Variants in CAPZB observed in about 807,000 individuals in gnomAD.
The protein encoded by CAPZB is F-actin-capping protein subunit beta.
In CAPZB, 2 loss-of-function variants were observed where a neutral mutation model predicts 38.1. The ratio of observed to expected loss-of-function variants is 0.05; its 90% CI spans 0.02 to 0.17. The LOEUF (loss-of-function observed/expected upper bound fraction) is 0.17, where lower values mean the gene tolerates loss of function less well. Among genes scored for constraint, CAPZB ranks in the 10% least tolerant of loss-of-function variants. The probability of loss-of-function intolerance (pLI) is 1.00; values close to 1 mark genes in which losing one functional copy is unlikely to be tolerated. For missense variants in CAPZB, 161 were observed against 334.2 expected (o/e 0.48, Z 4.04); for synonymous variants, 107 against 127.4 (o/e 0.84, Z 1.08).
At chr1:19,366,661 C>A (rs552040913) in intron 4 of CAPZB, among the ~76,000 whole-genome samples, 11 of 151,808 alleles carry the variant, frequency 7.2e-5, no homozygotes, top group Non-Finnish European at 1.5e-4. Flanking sequence ...GCACTCCAGC[C>A]TGAGCAAAAA....
intron 1 of CAPZB, among the ~76,000 whole-genome samples, chr1:19,433,003 C>A (rs779308010): frequency 6.6e-6 from 1 of 152,130 alleles, no homozygotes; most frequent in South Asian, 2.1e-4. Context: ...GTGGATTTGT[C>A]GAAAACAAGA....
chr1:19,461,132 G>A (rs989126638), intron 1 of CAPZB, among the ~76,000 whole-genome samples: 1 of 152,102 alleles, frequency 6.6e-6, no homozygotes, highest in Non-Finnish European at 1.5e-5. Flanking sequence ...ACAGCACGTG[G>A]CTCATGGGCT....
At chr1:19,364,551 A>G (rs935444868) in intron 4 of CAPZB, among the ~76,000 whole-genome samples, 1 of 152,240 alleles carries the variant, frequency 6.6e-6, no homozygotes, top group Non-Finnish European at 1.5e-5. Flanking sequence ...AAACTGGCTT[A>G]CACCAAGATT....
At chr1:19,455,066 T>C (rs1050487715) in intron 1 of CAPZB, among the ~76,000 whole-genome samples, 3 of 152,240 alleles carry the variant, frequency 2.0e-5, no homozygotes, top group Non-Finnish European at 4.4e-5. Context: ...CCCGGAGGGC[T>C]TGGAACCCTG....
intron 1 of CAPZB, among the ~76,000 whole-genome samples, chr1:19,429,170 T>C (rs992774144): frequency 5.3e-5 from 8 of 152,194 alleles, no homozygotes; most frequent in African/African-American, 1.9e-4. Context: ...GCTTTTTACA[T>C]TTATCTGCTT....
intron 1 of CAPZB, among the ~76,000 whole-genome samples, chr1:19,446,710 G>A (rs533211946): frequency 9.9e-5 from 15 of 152,212 alleles, no homozygotes; most frequent in Admixed American, 6.5e-4. Flanking sequence ...TGTTAAAAAC[G>A]TGGGAAAATG....
At chr1:19,388,771 CT>C (rs1459359000) in intron 2 of CAPZB, among the ~76,000 whole-genome samples, 1 of 152,228 alleles carries the variant, frequency 6.6e-6, no homozygotes, top group African/African-American at 2.4e-5. Flanking sequence ...AAGCCCAAGA[CT>C]GTTCATTTGT....
intron 3 of CAPZB, among the ~76,000 whole-genome samples, chr1:19,382,752 A>G (rs1455654230): frequency 6.6e-6 from 1 of 152,172 alleles, no homozygotes; most frequent in Non-Finnish European, 1.5e-5. Flanking sequence ...TCCTTCCACC[A>G]GCTCCTGCAG....
intron 1 of CAPZB, among the ~76,000 whole-genome samples, chr1:19,451,771 C>G (rs1239690635): frequency 6.6e-6 from 1 of 151,992 alleles, no homozygotes; most frequent in Non-Finnish European, 1.5e-5. Context: ...GCCTCCACCT[C>G]TCTGATGACT....
At chr1:19,391,464 A>C (rs1232484375) in intron 2 of CAPZB, among the ~76,000 whole-genome samples, 4 of 144,952 alleles carry the variant, frequency 2.8e-5, no homozygotes, top group African/African-American at 7.3e-5. Context: ...ACTTGGGTGC[A>C]CTCAGAGGAA....
Position 19,482,661 on chromosome 1 carries a change from C to CA in CAPZB, c.3+2774dup, listed in dbSNP as rs556010510. Among the ~76,000 whole-genome samples the CA allele has an allele frequency of 5.1e-3, 780 of 152,276 alleles. 4 individuals are homozygous for CA. Among genetic ancestry groups the CA allele is most frequent in the Non-Finnish European group, 8.6e-3 (582 of 68,026 alleles). On this transcript the variant is annotated intron_variant, in intron 1 of 8. Transcript: ENST00000264202. ...ACTGGGAAGGAGAAACTCATGCCAACAAAAATCATGGAATTCATTCCAAAG... is the reference window on the plus strand; with the variant it reads ...ACTGGGAAGGAGAAACTCATGCCAACAAAAAATCATGGAATTCATTCCAAAG...
intron 2 of CAPZB, among the ~76,000 whole-genome samples, chr1:19,400,173 C>A (rs904862002): frequency 6.6e-6 from 1 of 152,066 alleles, no homozygotes; most frequent in Non-Finnish European, 1.5e-5. Context: ...ACCTCAACAC[C>A]ATCCTGCTTA....
intron 1 of CAPZB, among the ~76,000 whole-genome samples, chr1:19,440,153 T>C (rs1360455750): frequency 6.6e-6 from 1 of 152,198 alleles, no homozygotes; most frequent in Admixed American, 6.5e-5. Context: ...TTTTCTTTTC[T>C]TTTTGTTTTT....
intron 1 of CAPZB, among the ~76,000 whole-genome samples, chr1:19,475,846 T>C (rs983583885): frequency 6.6e-6 from 1 of 152,206 alleles, no homozygotes; most frequent in Non-Finnish European, 1.5e-5. Context: ...TACTGGACAT[T>C]CAGTCATTCA....
chr1:19,348,268 T>A (rs572661913), intron 6 of CAPZB, among the ~76,000 whole-genome samples: 165 of 152,186 alleles, frequency 1.1e-3, no homozygotes, highest in African/African-American at 3.7e-3. Flanking sequence ...GCACTTTTTT[T>A]TTTTTAATTT....
chr1:19,468,677 C>A (rs2094576484), intron 1 of CAPZB, among the ~76,000 whole-genome samples: 1 of 152,098 alleles, frequency 6.6e-6, no homozygotes, highest in Non-Finnish European at 1.5e-5. Context: ...GGCCCTGCCT[C>A]CCACCCAGCT....
chr1:19,460,181 T>C (rs1222162404), intron 1 of CAPZB, among the ~76,000 whole-genome samples: 1 of 152,212 alleles, frequency 6.6e-6, no homozygotes, highest in Non-Finnish European at 1.5e-5. Context: ...CACCTCAAAC[T>C]GCAAAAGTTA....
intron 1 of CAPZB, among the ~76,000 whole-genome samples, chr1:19,424,091 C>A (rs1057396990): frequency 6.6e-6 from 1 of 152,158 alleles, no homozygotes; most frequent in Admixed American, 6.5e-5. Context: ...GGTTTGCAGG[C>A]GTGAGCCACT....
At chr1:19,433,198 T>C (rs1001980070) in intron 1 of CAPZB, among the ~76,000 whole-genome samples, 1 of 152,208 alleles carries the variant, frequency 6.6e-6, no homozygotes, top group African/African-American at 2.4e-5. Context: ...AACTGGCAGT[T>C]AGACACATAA....
Sources: gnomAD v4.1 joint callset for allele counts (sites outside exome capture counted in the v4.1 genomes callset) on GRCh38, gnomAD v4.1.1 for gene constraint, MANE v1.5 for transcripts, NCBI Gene and HGNC (gene_info 2026-07-23, HGNC 2026-07-21) for gene names.